SCARB2: variants seen among roughly 807,000 people sequenced by gnomAD.
SCARB2 encodes the protein scavenger receptor class B member 2, also known as lysosome membrane protein 2.
SCARB2 carries 29 observed loss-of-function variants against 58.6 expected under a neutral mutation model. That is an observed-to-expected ratio of 0.49 (90% CI 0.37 to 0.67). The LOEUF is 0.67. SCARB2 is among the 30% of genes least tolerant of loss of function. SCARB2 has a pLI of 0.00. For missense variants in SCARB2, 488 were observed against 578.5 expected (o/e 0.84, Z 1.60); for synonymous variants, 195 against 210.1 (o/e 0.93, Z 0.62).
chr4:76,215,857 G>C (rs1271272443), upstream of SCARB2, among the ~76,000 whole-genome samples: 1 of 152,184 alleles, frequency 6.6e-6, no homozygotes, highest in East Asian at 1.9e-4. Flanking sequence ...GCAGAGGTGA[G>C]TGGTCCCTGC....
At chr4:76,225,532 A>G (rs547934589) in intron 1 of SCARB2, among the ~76,000 whole-genome samples, 16 of 152,314 alleles carry the variant, frequency 1.1e-4, no homozygotes, top group Admixed American at 8.5e-4. Flanking sequence ...TTTGTCATAG[A>G]TGGCTTTTAT....
Position 76,213,756 on chromosome 4 carries a change from G to A in SCARB2, c.-213C>T. The A allele has an allele frequency of 4.4e-6, 2 of 454,608 alleles. No homozygotes were observed. 28.2% of individuals were successfully genotyped at this position (454,608 alleles called of 1,614,324 possible). ...GGGCGGATGGGGCCGCGGAGGGACG[G>A]GCCCGGACTCGGTTTCGGTTTCCTT... On this transcript the variant is annotated 5_prime_UTR_variant, in exon 1 of 12. Transcript: ENST00000264896.
chr4:76,161,768 A>G lies in SCARB2; in HGVS notation c.1399-17T>C, dbSNP rs746259753. 2 of 1,614,058 alleles carry G rather than the reference A, an allele frequency of 1.2e-6. No individual in the cohort carries two copies. Among genetic ancestry groups the G allele is most frequent in the East Asian group, 4.5e-5 (2 of 44,870 alleles). Reference sequence around the variant, plus strand: ...CGCTGTTCCCTGAAACACAGAAGAGAGAAAACAAGTTAGATGTTCATGTCA... The same window carrying G: ...CGCTGTTCCCTGAAACACAGAAGAGGGAAAACAAGTTAGATGTTCATGTCA... On this transcript the variant is annotated splice_polypyrimidine_tract_variant and intron_variant, in intron 11 of 11. Transcript: ENST00000264896.
intron 7 of SCARB2, chr4:76,173,074 T>A (rs1457128454): frequency 6.6e-6 from 1 of 152,188 alleles, no homozygotes; most frequent in Non-Finnish European, 1.5e-5. Flanking sequence ...ATGTCTACTA[T>A]CTAGTAAGTT....
At chr4:76,231,099 G>A (rs933184949) in intron 1 of SCARB2, among the ~76,000 whole-genome samples, 2 of 141,062 alleles carry the variant, frequency 1.4e-5, no homozygotes, top group African/African-American at 3.2e-5. Flanking sequence ...AGGTGAAACC[G>A]TAGAACTGAG....
intron 1 of SCARB2, among the ~76,000 whole-genome samples, chr4:76,230,491 T>G (rs1161755455): frequency 6.6e-6 from 1 of 152,212 alleles, no homozygotes; most frequent in Non-Finnish European, 1.5e-5. Context: ...CCTCCCTGTC[T>G]GCCCACACGA....
At chr4:76,223,370 C>T (rs914736862) in intron 1 of SCARB2, among the ~76,000 whole-genome samples, 3 of 152,050 alleles carry the variant, frequency 2.0e-5, no homozygotes, top group African/African-American at 7.2e-5. Context: ...AGTAGCCCAC[C>T]CCTTATTGGG....
chr4:76,213,965 C>G (rs1733142023), upstream of SCARB2: 1 of 175,550 alleles, frequency 5.7e-6, no homozygotes. Flanking sequence ...TGATTCGGCC[C>G]GCGCCCTCCC....
At chr4:76,189,864 G>A (rs72655532) in intron 2 of SCARB2, among the ~76,000 whole-genome samples, 29,359 of 151,950 alleles carry the variant, frequency 0.19, 3,308 homozygotes, top group Middle Eastern at 0.34. Flanking sequence ...AGCTGCCCCC[G>A]TGATTAAATT....
Position 76,176,116 on chromosome 4 carries a change from T to C in SCARB2, c.705-206A>G, listed in dbSNP as rs1560708754. The C allele has an allele frequency of 7.8e-6, 5 of 642,830 alleles. 1 individual carries two copies. The highest frequency in any genetic ancestry group is 1.3e-5 in the Non-Finnish European group (5 of 375,206). 39.8% of individuals were successfully genotyped at this position (642,830 alleles called of 1,614,324 possible). On this transcript the variant is annotated intron_variant, in intron 5 of 11. Coordinates refer to ENST00000264896, the MANE Select transcript of SCARB2 (RefSeq NM_005506.4). ...AGCTTTCATAGAGGCAATGGCCAAA[T>C]AGCCCAAAACATGTGGTGGTTTGAA...
chr4:76,203,421 T>C (rs1332441465), intron 1 of SCARB2, among the ~76,000 whole-genome samples: 2 of 152,210 alleles, frequency 1.3e-5, no homozygotes, highest in East Asian at 1.9e-4. Flanking sequence ...AGCATATCCA[T>C]CCCAATATTG....
intron 1 of SCARB2, among the ~76,000 whole-genome samples, chr4:76,224,748 A>G (rs1270104476): frequency 6.6e-6 from 1 of 151,948 alleles, no homozygotes; most frequent in African/African-American, 2.4e-5. Context: ...ATTTTATTTT[A>G]TTTATTTATT....
chr4:76,208,548 G>A (rs902969221), intron 1 of SCARB2, among the ~76,000 whole-genome samples: 5 of 152,288 alleles, frequency 3.3e-5, no homozygotes, highest in Middle Eastern at 3.4e-3. Context: ...GAGCAAGCCC[G>A]GATGAGTACA....
rs552121769 is a variant in SCARB2 at position 76,199,608 on chromosome 4, T to C, written c.118-3744A>G. Among the ~76,000 whole-genome samples the C allele has an allele frequency of 5.9e-5, 9 of 152,380 alleles. No individual in the cohort carries two copies. In the South Asian group the frequency reaches 1.9e-3, roughly 32 times the overall value. On this transcript the variant is annotated intron_variant, in intron 1 of 11. Coordinates refer to ENST00000264896, the MANE Select transcript of SCARB2 (RefSeq NM_005506.4). ...TTGTTATCTGAAATTCAAATTTAACTGGTTGTCCTGTATTTTATTTTATTT... is the reference window on the plus strand; with the variant it reads ...TTGTTATCTGAAATTCAAATTTAACCGGTTGTCCTGTATTTTATTTTATTT...
intron 9 of SCARB2, chr4:76,166,506 T>A (rs1732012024): frequency 1.6e-6 from 1 of 625,644 alleles, no homozygotes; most frequent in East Asian, 2.8e-5. Context: ...TGTACGTTTA[T>A]CAAAACACAA....
intron 2 of SCARB2, chr4:76,191,759 C>T (rs9994282): frequency 0.48 from 67,146 of 140,904 alleles, 17,592 homozygotes; most frequent in East Asian, 0.91. Context: ...TCCCTCCCTC[C>T]CTGTCTTTCT....
intron 1 of SCARB2, among the ~76,000 whole-genome samples, chr4:76,202,621 T>C (rs1280110659): frequency 2.6e-5 from 4 of 152,162 alleles, no homozygotes; most frequent in African/African-American, 9.7e-5. Context: ...TCCATTATAT[T>C]TGTCACAGAA....
chr4:76,170,971 T>TATATATATAAAA (rs34900504), intron 7 of SCARB2, among the ~76,000 whole-genome samples: 6 of 133,830 alleles, frequency 4.5e-5, no homozygotes, highest in Non-Finnish European at 8.0e-5. Context: ...TATATATATA[T>TATATATATAAAA]AACCAAATAG....
At chr4:76,224,551 T>C (rs767261181) in intron 1 of SCARB2, among the ~76,000 whole-genome samples, 23 of 152,136 alleles carry the variant, frequency 1.5e-4, no homozygotes, top group Non-Finnish European at 3.2e-4. Context: ...TAAACAATTA[T>C]AACTTTTTAA....
Sources: allele counts gnomAD v4.1 joint callset (sites outside exome capture counted in the v4.1 genomes callset), GRCh38; gene constraint gnomAD v4.1.1; transcripts MANE v1.5; gene names NCBI Gene and HGNC (gene_info 2026-07-23, HGNC 2026-07-21).